Variants in STK31 observed in about 807,000 individuals in gnomAD.
STK31 encodes the protein serine/threonine-protein kinase 31.
A neutral mutation model predicts 129.7 loss-of-function variants in STK31; 89 were observed. The observed-to-expected ratio is 0.69, with a 90% CI of 0.58 to 0.82. The LOEUF (loss-of-function observed/expected upper bound fraction) is 0.82. STK31 is among the 40% of genes least tolerant of loss of function. The probability of loss-of-function intolerance (pLI) is 0.00; values close to 1 mark genes in which losing one functional copy is unlikely to be tolerated. For synonymous variants in STK31, 448 were observed against 395.3 expected (o/e 1.13, Z -1.58); for missense variants, 1,187 against 1,176.4 (o/e 1.01, Z -0.13).
At chr7:23,758,671 C>G (rs1789263624) in intron 10 of STK31, among the ~76,000 whole-genome samples, 1 of 152,106 alleles carries the variant, frequency 6.6e-6, no homozygotes, top group Admixed American at 6.6e-5. Context: ...TACATTGTCT[C>G]TTTGTTCTCA....
chr7:23,770,999 A>G lies in STK31; in HGVS notation c.1714-6A>G. The G allele has an allele frequency of 6.2e-7, 1 of 1,606,762 alleles. No individual in the cohort carries two copies. Among genetic ancestry groups the G allele is most frequent in the Non-Finnish European group, 8.5e-7 (1 of 1,177,124 alleles). On this transcript the variant is annotated splice_region_variant and splice_polypyrimidine_tract_variant and intron_variant, in intron 13 of 23. Coordinates refer to ENST00000355870, the MANE Select transcript of STK31 (RefSeq NM_031414.5). ...TGTATAATTCTATGTGTGTGATTTC[A>G]TTTAGGATCAAGGTGATGCAGACAA...
intron 23 of STK31, among the ~76,000 whole-genome samples, chr7:23,823,112 A>G (rs1361331399): frequency 6.6e-6 from 1 of 152,230 alleles, no homozygotes; most frequent in Non-Finnish European, 1.5e-5. Flanking sequence ...GTATATACCC[A>G]GTAATGGGAT....
At position 23,734,584 on chromosome 7, in the gene STK31, G is replaced by C. The variant is rs541967706; in HGVS notation, c.484-954G>C. Among the ~76,000 whole-genome samples, 3 of 152,304 alleles carry C rather than the reference G, an allele frequency of 2.0e-5. No individual in the cohort carries two copies. In the East Asian group the frequency reaches 5.8e-4, roughly 29 times the overall value. On this transcript the variant is annotated intron_variant, in intron 6 of 23. Coordinates refer to ENST00000355870, the MANE Select transcript of STK31 (RefSeq NM_031414.5). ...GCTTAGTTCTATTGATAGATATTCAGTAGCTCAAAGTTAGCAAGCACCTAA... is the reference window on the plus strand; with the variant it reads ...GCTTAGTTCTATTGATAGATATTCACTAGCTCAAAGTTAGCAAGCACCTAA...
At chr7:23,786,681 A>G in intron 19 of STK31, 48 bp downstream of exon 19, 1 of 1,584,832 alleles carries the variant, frequency 6.3e-7, no homozygotes. Flanking sequence ...TATCTTGCAG[A>G]AACTATTTTA....
At position 23,770,308 on chromosome 7, in the gene STK31, A is replaced by G. The variant is rs576251737; in HGVS notation, c.1713+552A>G. ...TATTCAGGCTGCTTTCCAATGTTTC[A>G]GTGGTTAGGCTTCTCATTTTACTTG... On this transcript the variant is annotated intron_variant, in intron 13 of 23. Transcript: ENST00000355870. Among the ~76,000 whole-genome samples the G allele has an allele frequency of 3.3e-5, 5 of 152,148 alleles. No individual in the cohort carries two copies. In the South Asian group the frequency reaches 1.0e-3, roughly 32 times the overall value.
At chr7:23,801,921 G>T (rs1220040896) in intron 22 of STK31, among the ~76,000 whole-genome samples, 1 of 152,132 alleles carries the variant, frequency 6.6e-6, no homozygotes. Flanking sequence ...ACATCATACT[G>T]TCTTGGTTAC....
intron 22 of STK31, among the ~76,000 whole-genome samples, chr7:23,798,707 T>A (rs1002400566): frequency 6.6e-6 from 1 of 152,194 alleles, no homozygotes; most frequent in East Asian, 1.9e-4. Flanking sequence ...GGATGCCCTC[T>A]CTCACCACTC....
In STK31 at chr7:23,728,956, G is replaced by C. The variant is rs1026981225; in HGVS notation, c.325-135G>C. ...TTGAAGATATTAGAAATCTGTTTCT[G>C]AATGTATTTTGTCATTTTGAGGTAA... On this transcript the variant is annotated intron_variant, in intron 5 of 23. Coordinates refer to ENST00000355870, the MANE Select transcript of STK31 (RefSeq NM_031414.5). 1.7e-5 allele frequency: 11 copies of C among 644,296 alleles called. No homozygotes were observed. In the Admixed American group the frequency reaches 2.7e-4, roughly 16 times the overall value. 39.9% of individuals were successfully genotyped at this position (644,296 alleles called of 1,614,324 possible). A position where few individuals can be genotyped will look rare whatever the true frequency, so the allele number is the denominator to read the frequency against.
Position 23,816,359 on chromosome 7 carries a change from A to G in STK31, c.2829+1147A>G, listed in dbSNP as rs140325144. ...TCCAGAACCCTTGCTTTCAGGTTTG[A>G]TAGAAAAATTACCTTGTACCAAGTT... On this transcript the variant is annotated intron_variant, in intron 23 of 23. Transcript: ENST00000355870. Among the ~76,000 whole-genome samples the G allele has an allele frequency of 7.2e-4, 109 of 152,334 alleles. 2 individuals carry two copies. The East Asian group carries it at 0.017, about 23-fold the overall frequency.
At chr7:23,824,667 T>A (rs1167924223) in intron 23 of STK31, among the ~76,000 whole-genome samples, 2 of 152,198 alleles carry the variant, frequency 1.3e-5, no homozygotes, top group African/African-American at 4.8e-5. Context: ...GGCATCCCTG[T>A]CTTGTGCCAG....
intron 9 of STK31, 83 bp downstream of exon 9, chr7:23,752,915 AT>A (rs1398707439): frequency 1.1e-6 from 1 of 883,514 alleles, no homozygotes; most frequent in African/African-American, 1.7e-5. Flanking sequence ...TGTGCTTGCC[AT>A]TTTTGCTTTA....
At chr7:23,752,650 T>A in intron 8 of STK31, 67 bp from the exon 9 acceptor site, 1 of 1,242,044 alleles carries the variant, frequency 8.1e-7, no homozygotes, top group Non-Finnish European at 1.2e-6. Context: ...CAAAAATTAT[T>A]TAAATTATAG....
rs190950267 is a variant in STK31 at position 23,768,139 on chromosome 7, A to G, written c.1417-856A>G. 1.2e-4 allele frequency among the ~76,000 whole-genome samples: 18 copies of G among 152,298 alleles called. No individual in the cohort carries two copies. The East Asian group carries it at 2.3e-3, about 20-fold the overall frequency. ...CATGGTTTGGTCAGTGATGGACTGC[A>G]TATATGGTGGTGGTGCCATAAAATT... On this transcript the variant is annotated intron_variant, in intron 11 of 23. Coordinates refer to ENST00000355870, the MANE Select transcript of STK31 (RefSeq NM_031414.5).
chr7:23,727,146 T>C, intron 4 of STK31, 95 bp from the exon 5 acceptor site: 5 of 940,862 alleles, frequency 5.3e-6, no homozygotes, highest in South Asian at 1.4e-5. Flanking sequence ...AAAGTACTTA[T>C]TGACATATAG....
Position 23,769,279 on chromosome 7 carries a change from T to C in STK31, c.1596+105T>C, listed in dbSNP as rs527939140. 33 of 1,109,728 alleles carry C rather than the reference T, an allele frequency of 3.0e-5. No homozygotes were observed. In the African/African-American group the frequency reaches 5.0e-4, roughly 17 times the overall value. 68.7% of individuals were successfully genotyped at this position (1,109,728 alleles called of 1,614,324 possible). ...GAGCTGACATCATCTACCTACTATG[T>C]ATCAGATTTAAAATTGCCACCTTAC... On this transcript the variant is annotated intron_variant, in intron 12 of 23. Coordinates refer to ENST00000355870, the MANE Select transcript of STK31 (RefSeq NM_031414.5).
At chr7:23,765,660 G>T (rs775344181) in intron 11 of STK31, among the ~76,000 whole-genome samples, 6 of 150,690 alleles carry the variant, frequency 4.0e-5, no homozygotes, top group African/African-American at 7.3e-5. Flanking sequence ...GGGTTCAAGT[G>T]ATTCTCCTTC....
At chr7:23,790,126 G>A (rs1791529217) in intron 21 of STK31, among the ~76,000 whole-genome samples, 1 of 152,100 alleles carries the variant, frequency 6.6e-6, no homozygotes. Flanking sequence ...ACTTTGAGAA[G>A]CAAGGATCAA....
At chr7:23,725,108 A>T (rs1037565088) in intron 4 of STK31, among the ~76,000 whole-genome samples, 2 of 152,318 alleles carry the variant, frequency 1.3e-5, no homozygotes, top group Non-Finnish European at 2.9e-5. Flanking sequence ...TATACAGTAT[A>T]TAATAACTAT....
At chr7:23,730,878 A>ATTTTTTTTTTTTTTTTTT in intron 6 of STK31, among the ~76,000 whole-genome samples, 1 of 59,554 alleles carries the variant, frequency 1.7e-5, no homozygotes, top group South Asian at 8.1e-4. Context: ...ATATATATAT[A>ATTTTTTTTTTTTTTTTTT]TTTTTTTTTT....
Sources: allele counts gnomAD v4.1 joint callset (sites outside exome capture counted in the v4.1 genomes callset), GRCh38; gene constraint gnomAD v4.1.1; transcripts MANE v1.5; gene names NCBI Gene and HGNC (gene_info 2026-07-23, HGNC 2026-07-21).